RAB28: variants seen among roughly 807,000 people sequenced by gnomAD.
The protein encoded by RAB28 is ras-related protein Rab-28.
Under a neutral mutation model 31.7 loss-of-function variants are expected in RAB28, and 24 were observed. That is an observed-to-expected ratio of 0.76 (90% confidence interval 0.55 to 1.06). The LOEUF (loss-of-function observed/expected upper bound fraction) is 1.06. Among genes scored for constraint, RAB28 ranks in the 50% least tolerant of loss-of-function variants. RAB28 has a pLI of 0.00. For synonymous variants in RAB28, 100 were observed against 90.4 expected (o/e 1.11, Z -0.60); for missense variants, 254 against 258.5 (o/e 0.98, Z 0.12).
intron 4 of RAB28, among the ~76,000 whole-genome samples, chr4:13,427,850 A>C (rs1414136231): frequency 1.3e-5 from 2 of 152,198 alleles, no homozygotes; most frequent in African/African-American, 4.8e-5. Flanking sequence ...GTGTAGCAGG[A>C]CAAGCCGCGA....
intron 3 of RAB28, among the ~76,000 whole-genome samples, chr4:13,469,712 T>C (rs899071669): frequency 6.6e-6 from 1 of 151,990 alleles, no homozygotes; most frequent in Admixed American, 6.6e-5. Flanking sequence ...TTTTCTTTTT[T>C]AAGAGATGGG....
intron 4 of RAB28, among the ~76,000 whole-genome samples, chr4:13,413,661 A>G (rs1190177580): frequency 6.6e-6 from 1 of 152,218 alleles, no homozygotes; most frequent in Non-Finnish European, 1.5e-5. Flanking sequence ...ATGTATAAAA[A>G]CAAAAGATAG....
intron 4 of RAB28, among the ~76,000 whole-genome samples, chr4:13,410,249 C>G (rs1189028355): frequency 6.6e-6 from 1 of 151,996 alleles, no homozygotes; most frequent in Non-Finnish European, 1.5e-5. Flanking sequence ...ATATAGTATC[C>G]CCATGAAACA....
rs1205951407 is a variant in RAB28, at chr4:13,432,244, A to G, written c.391+28455T>C. 2.0e-5 allele frequency among the ~76,000 whole-genome samples: 3 copies of G among 152,132 alleles called. No homozygotes were observed. In the East Asian group the frequency reaches 5.8e-4, roughly 29 times the overall value. Reference sequence around the variant, plus strand: ...TTAACCCAGTCACACAAAAATAAACAAAAAAGAACTTTAAGAAACAAAGCC... The same window carrying G: ...TTAACCCAGTCACACAAAAATAAACGAAAAAGAACTTTAAGAAACAAAGCC... On this transcript the variant is annotated intron_variant, in intron 4 of 6. Transcript: ENST00000330852.
Position 13,484,179 on chromosome 4 carries a change from G to A in RAB28, c.-29C>T. 1 of 1,551,360 alleles carries A rather than the reference G, an allele frequency of 6.4e-7. No individual in the cohort carries two copies. The highest frequency in any genetic ancestry group is 8.8e-7 in the Non-Finnish European group (1 of 1,142,420). ...GTCCCGGGAACCAGGCCCGCCCCTC[G>A]AGGTGGGGGGGGAAGGGAAGGATGA... On this transcript the variant is annotated 5_prime_UTR_variant, in exon 1 of 7. Coordinates refer to ENST00000330852, the MANE Select transcript of RAB28 (RefSeq NM_001017979.3).
chr4:13,408,180 C>T (rs1231015344), intron 4 of RAB28, among the ~76,000 whole-genome samples: 5 of 152,066 alleles, frequency 3.3e-5, no homozygotes, highest in Admixed American at 2.0e-4. Flanking sequence ...TTTTGAGATA[C>T]CTTCCATCAG....
At chr4:13,422,979 C>G (rs1577199568) in intron 4 of RAB28, among the ~76,000 whole-genome samples, 1 of 146,990 alleles carries the variant, frequency 6.8e-6, no homozygotes, top group African/African-American at 2.5e-5. Context: ...AATTTTACCT[C>G]AAAAAAAAAA....
intron 2 of RAB28, among the ~76,000 whole-genome samples, chr4:13,474,731 A>C (rs1469209586): frequency 6.6e-6 from 1 of 151,710 alleles, no homozygotes; most frequent in East Asian, 1.9e-4. Context: ...AATGAAGCAC[A>C]TGTCCATGGA....
chr4:13,388,794 T>TA (rs1448820335), intron 4 of RAB28, among the ~76,000 whole-genome samples: 3 of 152,062 alleles, frequency 2.0e-5, no homozygotes, highest in South Asian at 2.1e-4. Flanking sequence ...TGGCTAAATT[T>TA]AAAAAAACAA....
At chr4:13,463,058 T>C (rs1053920350) in intron 3 of RAB28, among the ~76,000 whole-genome samples, 1 of 152,182 alleles carries the variant, frequency 6.6e-6, no homozygotes, top group African/African-American at 2.4e-5. Flanking sequence ...TAAAGTGAAA[T>C]AACAAAAGTA....
intron 4 of RAB28, among the ~76,000 whole-genome samples, chr4:13,397,731 C>T (rs1305513948): frequency 6.6e-6 from 1 of 152,040 alleles, no homozygotes; most frequent in Non-Finnish European, 1.5e-5. Flanking sequence ...TGTCATGAAA[C>T]TTGCGGATTT....
chr4:13,426,320 C>T (rs1343035146), intron 4 of RAB28, among the ~76,000 whole-genome samples: 1 of 152,080 alleles, frequency 6.6e-6, no homozygotes, highest in African/African-American at 2.4e-5. Context: ...ATAAGCTTCA[C>T]ATACTAATGA....
chr4:13,373,941 A>ATATGTATGTATGTATG (rs566473086), intron 6 of RAB28, among the ~76,000 whole-genome samples: 123 of 151,878 alleles, frequency 8.1e-4, no homozygotes, highest in African/African-American at 2.7e-3. Flanking sequence ...GTGTGTATAT[A>ATATGTATGTATGTATG]TATGTATGTA....
intron 4 of RAB28, among the ~76,000 whole-genome samples, chr4:13,454,501 T>C (rs956115373): frequency 4.6e-5 from 7 of 152,216 alleles, no homozygotes; most frequent in African/African-American, 7.2e-5. Context: ...CTTACTCATA[T>C]AGATGGGCCC....
chr4:13,448,654 A>C (rs561483938), intron 4 of RAB28, among the ~76,000 whole-genome samples: 30 of 152,200 alleles, frequency 2.0e-4, no homozygotes, highest in African/African-American at 7.0e-4. Flanking sequence ...AACAGTTGTC[A>C]GTAACAACAA....
intron 4 of RAB28, among the ~76,000 whole-genome samples, chr4:13,383,449 G>A (rs936484259): frequency 6.6e-6 from 1 of 151,668 alleles, no homozygotes; most frequent in African/African-American, 2.4e-5. Context: ...TATAACCATG[G>A]AAAGACTAGT....
intron 4 of RAB28, among the ~76,000 whole-genome samples, chr4:13,395,311 C>T (rs1188479932): frequency 6.6e-6 from 1 of 152,078 alleles, no homozygotes; most frequent in African/African-American, 2.4e-5. Flanking sequence ...TTTGCCTCAT[C>T]ACTTGATTAC....
chr4:13,484,189 G>C lies in RAB28; in HGVS notation c.-39C>G, dbSNP rs995179681. 6.6e-7 allele frequency: 1 copy of C among 1,525,960 alleles called. No individual in the cohort carries two copies. The highest frequency in any genetic ancestry group is 2.4e-5 in the East Asian group (1 of 41,460). 94.5% of individuals were successfully genotyped at this position (1,525,960 alleles called of 1,614,324 possible). A position where few individuals can be genotyped will look rare whatever the true frequency, so the allele number is the denominator to read the frequency against. ...CCAGGCCCGCCCCTCGAGGTGGGGG[G>C]GGAAGGGAAGGATGAAGGCTCCGGG... On this transcript the variant is annotated 5_prime_UTR_variant, in exon 1 of 7. Coordinates refer to ENST00000330852, the MANE Select transcript of RAB28 (RefSeq NM_001017979.3).
Position 13,367,991 on chromosome 4 carries a change from T to C in RAB28, c.*567A>G, listed in dbSNP as rs10001114. On this transcript the variant is annotated 3_prime_UTR_variant, in exon 7 of 7. Coordinates refer to ENST00000330852, the MANE Select transcript of RAB28 (RefSeq NM_001017979.3). The stretch of plus-strand genomic sequence containing the variant: ...ACTACAATATAAACAATTTAGGCCC[T>C]TTTTTAAAAAATGAAAAAATATTTC... 24,108 of 969,914 alleles carry C rather than the reference T, an allele frequency of 0.025. 396 individuals are homozygous for C. Among genetic ancestry groups the C allele is most frequent in the African/African-American group, 0.085 (4,848 of 56,856 alleles). 60.1% of individuals were successfully genotyped at this position (969,914 alleles called of 1,614,324 possible).
Sources: allele counts gnomAD v4.1 joint callset (sites outside exome capture counted in the v4.1 genomes callset), GRCh38; gene constraint gnomAD v4.1.1; transcripts MANE v1.5; gene names NCBI Gene and HGNC (gene_info 2026-07-23, HGNC 2026-07-21).